The following NEDD4 variants were observed in gnomAD, a reference collection of about 807,000 sequenced individuals.
The protein encoded by NEDD4 is E3 ubiquitin-protein ligase NEDD4.
NEDD4 carries 99 observed loss-of-function variants against 144.9 expected under a neutral mutation model. That is an observed-to-expected ratio of 0.68 (90% CI 0.58 to 0.81). The LOEUF (loss-of-function observed/expected upper bound fraction) is 0.81. Ranked by LOEUF, NEDD4 falls within the 30% of genes least tolerant of loss-of-function variation. The pLI is 0.00. For missense variants in NEDD4, 985 were observed against 1,065.9 expected (o/e 0.92, Z 1.06); for synonymous variants, 318 against 350.6 (o/e 0.91, Z 1.04).
intron 1 of NEDD4, among the ~76,000 whole-genome samples, chr15:55,973,389 AAAC>A (rs1223040205): frequency 1.3e-5 from 2 of 149,282 alleles, no homozygotes; most frequent in Non-Finnish European, 2.9e-5. Flanking sequence ...ACAAACAAAA[AAAC>A]AACAACAAAA....
At chr15:55,835,149 A>C (rs1005928780) in intron 24 of NEDD4, among the ~76,000 whole-genome samples, 5 of 152,320 alleles carry the variant, frequency 3.3e-5, no homozygotes, top group African/African-American at 1.2e-4. Context: ...AGTGTTATGC[A>C]CTTACCAAAT....
chr15:55,952,642 A>C (rs1355522340), intron 2 of NEDD4: 2 of 152,256 alleles, frequency 1.3e-5, no homozygotes, highest in Non-Finnish European at 2.9e-5. Flanking sequence ...ATTTATCAGA[A>C]TCCATCCTTA....
At chr15:55,839,321 G>A (rs1472578270) in intron 21 of NEDD4, among the ~76,000 whole-genome samples, 1 of 152,040 alleles carries the variant, frequency 6.6e-6, no homozygotes, top group Non-Finnish European at 1.5e-5. Context: ...ACACCCCTGT[G>A]TCCGGCACTA....
At position 55,829,461 on chromosome 15, in the gene NEDD4, A is replaced by G. The variant is rs1327104251; in HGVS notation, c.*436T>C. The G allele has an allele frequency of 6.5e-6, 1 of 154,630 alleles. No individual in the cohort carries two copies. The highest frequency in any genetic ancestry group is 2.4e-5 in the African/African-American group (1 of 41,474). The allele number at this position is 154,630 out of a possible 1,614,324, so 9.6% of individuals were successfully genotyped here. A position where few individuals can be genotyped will look rare whatever the true frequency, so the allele number is the denominator to read the frequency against. ...TTCTTTTTCCAAATTTCAGTTTTCC[A>G]TCTCAAAATGCATCAAACTTTTCAC... On this transcript the variant is annotated 3_prime_UTR_variant, in exon 29 of 29. Coordinates refer to ENST00000435532, the MANE Select transcript of NEDD4 (RefSeq NM_006154.4).
chr15:55,856,438 T>G (rs541820793), intron 11 of NEDD4, among the ~76,000 whole-genome samples: 9 of 152,292 alleles, frequency 5.9e-5, no homozygotes, highest in African/African-American at 2.2e-4. Flanking sequence ...TCTTGAATGT[T>G]TCACAGAAAC....
rs115728824 is a variant in NEDD4 at position 55,897,501 on chromosome 15, A to G, written c.292-23493T>C. On this transcript the variant is annotated intron_variant, in intron 5 of 28. Coordinates refer to ENST00000435532, the MANE Select transcript of NEDD4 (RefSeq NM_006154.4). Reference sequence around the variant, plus strand: ...GTATCAGATTTCCTTTGACTTTTCAATCACTAGATTCTTAAAGTCCCACTT... The same window carrying G: ...GTATCAGATTTCCTTTGACTTTTCAGTCACTAGATTCTTAAAGTCCCACTT... Among the ~76,000 whole-genome samples, 1,292 of 152,338 alleles carry G rather than the reference A, an allele frequency of 8.5e-3. 24 individuals are homozygous for G. The highest frequency in any genetic ancestry group is 0.03 in the African/African-American group (1,252 of 41,568).
chr15:55,884,688 C>A (rs2035323513), intron 5 of NEDD4, among the ~76,000 whole-genome samples: 1 of 151,752 alleles, frequency 6.6e-6, no homozygotes, highest in Non-Finnish European at 1.5e-5. Context: ...CTGTTAATAT[C>A]AGAATTTATC....
intron 5 of NEDD4, among the ~76,000 whole-genome samples, chr15:55,901,719 T>C (rs1340527227): frequency 3.3e-5 from 5 of 152,160 alleles, no homozygotes; most frequent in South Asian, 4.1e-4. Context: ...TAATTACATA[T>C]ATGATTCCAT....
At chr15:55,990,607 C>A (rs2037974750) in intron 1 of NEDD4, among the ~76,000 whole-genome samples, 1 of 152,192 alleles carries the variant, frequency 6.6e-6, no homozygotes, top group Non-Finnish European at 1.5e-5. Flanking sequence ...TATGCTCCAC[C>A]TCATTTCCAC....
At chr15:55,868,892 C>T (rs1485859866) in intron 8 of NEDD4, among the ~76,000 whole-genome samples, 1 of 152,120 alleles carries the variant, frequency 6.6e-6, no homozygotes, top group Non-Finnish European at 1.5e-5. Context: ...ACTCTGCAAA[C>T]AAGATCCTGA....
intron 18 of NEDD4, among the ~76,000 whole-genome samples, chr15:55,844,031 G>T (rs979355934): frequency 1.4e-4 from 21 of 152,196 alleles, no homozygotes; most frequent in Non-Finnish European, 3.1e-4. Context: ...GCAATGTTCT[G>T]CAGGGCATAA....
Position 55,860,406 on chromosome 15 carries a change from C to A in NEDD4, c.960+1G>T. 6.2e-7 allele frequency: 1 copy of A among 1,613,922 alleles called. No individual in the cohort carries two copies. The highest frequency in any genetic ancestry group is 8.5e-7 in the Non-Finnish European group (1 of 1,179,902). On this transcript the variant is annotated splice_donor_variant, in intron 11 of 28. Transcript: ENST00000435532. LOFTEE classifies it high-confidence loss of function. ...CGTAACAAAATCTAAGAGCATCTTA[C>A]TGAGCTCGATGCTGGCTGGCTCACG...
intron 5 of NEDD4, chr15:55,916,568 C>G: frequency 6.2e-7 from 1 of 1,614,060 alleles, no homozygotes; most frequent in South Asian, 1.1e-5. Context: ...GTAGTGAAAT[C>G]TGTAGACAGC....
intron 5 of NEDD4, chr15:55,924,341 T>C (rs148746954): frequency 3.8e-4 from 103 of 267,672 alleles, no homozygotes; most frequent in Middle Eastern, 1.3e-3. Flanking sequence ...CCAGGGGTCA[T>C]GGGCGAGTGA....
At position 55,951,603 on chromosome 15, in the gene NEDD4, A is replaced by C; in HGVS notation, c.120-14T>G. On this transcript the variant is annotated splice_polypyrimidine_tract_variant and intron_variant, in intron 2 of 28. Coordinates refer to ENST00000435532, the MANE Select transcript of NEDD4 (RefSeq NM_006154.4). ...ACGTAAGGATCACTGTTAAAAAAAA[A>C]AAAAAAAAGAAAGAAAAATTTTAAT... 1.4e-6 allele frequency: 2 copies of C among 1,463,246 alleles called. No individual in the cohort carries two copies. The highest frequency in any genetic ancestry group is 9.0e-7 in the Non-Finnish European group (1 of 1,110,546). The allele number at this position is 1,463,246 out of a possible 1,614,324, so 90.6% of individuals were successfully genotyped here.
intron 2 of NEDD4, among the ~76,000 whole-genome samples, chr15:55,960,164 A>G (rs1199245891): frequency 6.6e-6 from 1 of 152,012 alleles, no homozygotes; most frequent in African/African-American, 2.4e-5. Flanking sequence ...CACAGTAACC[A>G]CCTCTCTGTG....
chr15:55,894,055 C>G (rs547219781), intron 5 of NEDD4, among the ~76,000 whole-genome samples: 4 of 152,042 alleles, frequency 2.6e-5, no homozygotes, highest in African/African-American at 9.6e-5. Flanking sequence ...TTAATCTGTG[C>G]TATAAAATCA....
chr15:55,960,642 C>A (rs1821585895), intron 2 of NEDD4, among the ~76,000 whole-genome samples: 2 of 151,898 alleles, frequency 1.3e-5, no homozygotes, highest in South Asian at 2.1e-4. Context: ...TGAGTCAATT[C>A]TCCTACTAAA....
chr15:55,925,785 C>A (rs1002314727), intron 4 of NEDD4, among the ~76,000 whole-genome samples: 12 of 152,048 alleles, frequency 7.9e-5, no homozygotes, highest in Non-Finnish European at 1.6e-4. Flanking sequence ...AGCCACGTTC[C>A]CAGGCTCATC....
Sources: gnomAD v4.1 joint callset for allele counts (sites outside exome capture counted in the v4.1 genomes callset) on GRCh38, gnomAD v4.1.1 for gene constraint, MANE v1.5 for transcripts, NCBI Gene and HGNC (gene_info 2026-07-23, HGNC 2026-07-21) for gene names.